The following SPATA13 variants were observed in gnomAD, a reference collection of about 807,000 sequenced individuals.
SPATA13 encodes the protein spermatogenesis associated 13, also known as spermatogenesis-associated protein 13.
SPATA13 carries 50 observed loss-of-function variants against 104.0 expected under a neutral mutation model. The ratio of observed to expected loss-of-function variants is 0.48; its 90% CI spans 0.38 to 0.61. The LOEUF is 0.61. SPATA13 is among the 20% of genes least tolerant of loss of function. The pLI, the probability that SPATA13 is intolerant of heterozygous loss-of-function variation, is 0.00. For synonymous variants in SPATA13, 606 were observed against 667.5 expected (o/e 0.91, Z 1.42); for missense variants, 1,524 against 1,690.6 (o/e 0.90, Z 1.73).
intron 3 of SPATA13, among the ~76,000 whole-genome samples, chr13:24,250,365 G>C (rs942809726): frequency 6.6e-6 from 1 of 152,004 alleles, no homozygotes; most frequent in African/African-American, 2.4e-5. Context: ...CTTAGTACTG[G>C]TTTCTTAGTA....
intron 3 of SPATA13, among the ~76,000 whole-genome samples, chr13:24,035,523 A>G (rs1877645416): frequency 6.6e-6 from 1 of 152,222 alleles, no homozygotes; most frequent in Non-Finnish European, 1.5e-5. Flanking sequence ...TAGGAGCTTT[A>G]CAGGCCACAA....
intron 3 of SPATA13, among the ~76,000 whole-genome samples, chr13:24,250,840 T>G (rs1274936742): frequency 6.6e-6 from 1 of 152,214 alleles, no homozygotes; most frequent in Non-Finnish European, 1.5e-5. Context: ...TTGTCACGCA[T>G]TTTAACTCAG....
chr13:24,190,250 A>G lies in SPATA13; in HGVS notation c.-112+29318A>G, dbSNP rs1383442864. 2.6e-4 allele frequency among the ~76,000 whole-genome samples: 3 copies of G among 11,378 alleles called. 1 individual carries two copies. Among genetic ancestry groups the G allele is most frequent in the Non-Finnish European group, 8.3e-4 (2 of 2,404 alleles). The allele number at this position is 11,378 out of a possible 152,430, so 7.5% of individuals were successfully genotyped here. On this transcript the variant is annotated intron_variant, in intron 1 of 12. Transcript: ENST00000382108. Reference sequence around the variant, plus strand: ...TATATATTATTATATAACATATCATATATAATATACATAATATATATTATT... The same window carrying G: ...TATATATTATTATATAACATATCATGTATAATATACATAATATATATTATT...
At chr13:24,230,893 G>A (rs1443718294) in intron 2 of SPATA13, among the ~76,000 whole-genome samples, 1 of 152,194 alleles carries the variant, frequency 6.6e-6, no homozygotes, top group East Asian at 1.9e-4. Flanking sequence ...TGTCAGGGCA[G>A]GGACTCAGAG....
intron 3 of SPATA13, among the ~76,000 whole-genome samples, chr13:24,065,507 G>GC (rs746324923): frequency 6.6e-6 from 1 of 152,128 alleles, no homozygotes; most frequent in Non-Finnish European, 1.5e-5. Flanking sequence ...TCTTACCCCA[G>GC]CCAACGCTGA....
At chr13:24,151,675 T>C (rs1566122862) in intron 3 of SPATA13, among the ~76,000 whole-genome samples, 1 of 152,142 alleles carries the variant, frequency 6.6e-6, no homozygotes, top group South Asian at 2.1e-4. Context: ...CAGCTGTGGG[T>C]ACATCACCAA....
chr13:24,254,648 C>A (rs1873690380), intron 4 of SPATA13, among the ~76,000 whole-genome samples: 1 of 152,162 alleles, frequency 6.6e-6, no homozygotes, highest in African/African-American at 2.4e-5. Flanking sequence ...CAAATCACCA[C>A]CCCCTCTATT....
At position 24,294,697 on chromosome 13, in the gene SPATA13, A is replaced by T. The variant is rs1251985134; in HGVS notation, c.3081-42A>T. ...ATTATTTTGCCAGTCCTCATTTGTA[A>T]GGTGCATGTTATGTGATTAAAATTA... On this transcript the variant is annotated intron_variant, in intron 9 of 12. Transcript: ENST00000382108. 3.2e-6 allele frequency: 5 copies of T among 1,544,216 alleles called. No homozygotes were observed. The Admixed American group carries it at 8.7e-5, about 27-fold the overall frequency.
chr13:24,254,957 G>A (rs529992107), intron 4 of SPATA13, among the ~76,000 whole-genome samples: 23 of 152,248 alleles, frequency 1.5e-4, no homozygotes, highest in South Asian at 4.1e-4. Context: ...ATTCATGTAG[G>A]ATGGACATCA....
intron 2 of SPATA13, among the ~76,000 whole-genome samples, chr13:24,012,833 GTT>G (rs2137687999): frequency 6.6e-6 from 1 of 152,328 alleles, no homozygotes; most frequent in African/African-American, 2.4e-5. Flanking sequence ...AGTGGCATCT[GTT>G]TGGTTTATGC....
chr13:24,122,545 G>A (rs4770593), intron 3 of SPATA13: 161,357 of 1,572,160 alleles, frequency 0.1, 13,493 homozygotes, highest in East Asian at 0.39. Flanking sequence ...TCAGTGCCAC[G>A]CCCTTTGCAC....
At chr13:24,053,537 T>C (rs1366103240) in intron 3 of SPATA13, among the ~76,000 whole-genome samples, 5 of 152,160 alleles carry the variant, frequency 3.3e-5, no homozygotes, top group African/African-American at 1.2e-4. Context: ...TTGAATGCAC[T>C]TGGTATCTAA....
At chr13:24,258,521 T>C (rs1873902726) in intron 4 of SPATA13, among the ~76,000 whole-genome samples, 3 of 151,896 alleles carry the variant, frequency 2.0e-5, no homozygotes, top group Non-Finnish European at 4.4e-5. Flanking sequence ...ACAAAAAAAT[T>C]AGCCAAGAGT....
chr13:24,212,905 C>T (rs1251928953), intron 1 of SPATA13, among the ~76,000 whole-genome samples: 1 of 152,244 alleles, frequency 6.6e-6, no homozygotes, highest in Admixed American at 6.5e-5. Flanking sequence ...CAAACAAAAC[C>T]AGCTCACCAT....
rs376689970 is a variant in SPATA13, at chr13:24,019,075, C to A, written c.-112+1374C>A. 4.4e-5 allele frequency among the ~76,000 whole-genome samples: 6 copies of A among 137,624 alleles called. No individual in the cohort carries two copies. The East Asian group carries it at 1.2e-3, about 28-fold the overall frequency. 90.3% of individuals were successfully genotyped at this position (137,624 alleles called of 152,430 possible). A position where few individuals can be genotyped will look rare whatever the true frequency, so the allele number is the denominator to read the frequency against. The stretch of plus-strand genomic sequence containing the variant: ...GAAGGGGCTCCTAAGTTATATGATT[C>A]TTATTATTATTATTATTATTTTTTT... On this transcript the variant is annotated intron_variant, in intron 3 of 14. Transcript: ENST00000424834.
intron 3 of SPATA13, among the ~76,000 whole-genome samples, chr13:24,044,389 C>T (rs1368784463): frequency 7.3e-5 from 11 of 151,386 alleles, no homozygotes; most frequent in Admixed American, 5.3e-4. Flanking sequence ...CCTGCCACTG[C>T]GCCCAGCTAA....
chr13:24,296,879 T>C (rs1439396573), intron 10 of SPATA13, among the ~76,000 whole-genome samples: 4 of 151,898 alleles, frequency 2.6e-5, no homozygotes, highest in Non-Finnish European at 5.9e-5. Context: ...AAATAACCTT[T>C]GAGGCCCTGC....
At chr13:24,214,093 C>G (rs1048071642) in intron 1 of SPATA13, among the ~76,000 whole-genome samples, 7 of 152,248 alleles carry the variant, frequency 4.6e-5, no homozygotes, top group Non-Finnish European at 1.0e-4. Context: ...TCTGACTGAG[C>G]CTGGTGGCAC....
intron 1 of SPATA13, among the ~76,000 whole-genome samples, 181 bp from the exon 2 acceptor site, chr13:24,222,638 A>T (rs896298069): frequency 6.6e-6 from 1 of 152,094 alleles, no homozygotes; most frequent in Non-Finnish European, 1.5e-5. Flanking sequence ...CTGTCCAGGG[A>T]TGTATATTTG....
Sources: allele counts gnomAD v4.1 joint callset (sites outside exome capture counted in the v4.1 genomes callset), GRCh38; gene constraint gnomAD v4.1.1; transcripts MANE v1.5; gene names NCBI Gene and HGNC (gene_info 2026-07-23, HGNC 2026-07-21).